The following BMP3 variants were observed in gnomAD, a reference collection of about 807,000 sequenced individuals.
BMP3 encodes bone morphogenetic protein 3 (osteogenic).
Under a neutral mutation model 38.1 loss-of-function variants are expected in BMP3, and 23 were observed. The observed-to-expected ratio is 0.60, with a 90% CI of 0.43 to 0.86. BMP3 has a LOEUF of 0.86. Among genes scored for constraint, BMP3 ranks in the 40% least tolerant of loss-of-function variants. The pLI is 0.00. For missense variants in BMP3, 628 were observed against 579.6 expected (o/e 1.08, Z -0.86); for synonymous variants, 258 against 225.7 (o/e 1.14, Z -1.28).
chr4:81,045,677 T>G, intron 1 of BMP3, 61 bp from the exon 2 acceptor site: 1 of 1,352,122 alleles, frequency 7.4e-7, no homozygotes, highest in African/African-American at 1.5e-5. Context: ...GAGTTAATTG[T>G]CATATAGTGA....
At chr4:81,048,902 T>G (rs779721484) in intron 2 of BMP3, among the ~76,000 whole-genome samples, 6 of 152,214 alleles carry the variant, frequency 3.9e-5, no homozygotes, top group Non-Finnish European at 7.3e-5. Flanking sequence ...TCCTAGGTGA[T>G]GCAGATGCTG....
In BMP3 at chr4:81,046,231, T is replaced by C. The variant is rs1337441200; in HGVS notation, c.810T>C (p.Val270=). The change falls in exon 2 of 3, where the codon GTT becomes GTC. Residue 270 remains valine, a synonymous_variant. Coordinates refer to ENST00000282701, the MANE Select transcript of BMP3 (RefSeq NM_001201.5). Reference sequence around the variant, plus strand: ...ACCGGAATTTTCCCACTGGAACTGTTCCCAAATGGGATAGCCACATCAGAG... The same window carrying C: ...ACCGGAATTTTCCCACTGGAACTGTCCCCAAATGGGATAGCCACATCAGAG... ...QGHRNFPTGT[V]PKWDSHIRAA... 6.2e-7 allele frequency: 1 copy of C among 1,613,922 alleles called. No individual in the cohort carries two copies. Among genetic ancestry groups the C allele is most frequent in the African/African-American group, 1.3e-5 (1 of 74,892 alleles).
intron 1 of BMP3, among the ~76,000 whole-genome samples, chr4:81,039,903 T>A (rs1219065582): frequency 6.6e-6 from 1 of 152,104 alleles, no homozygotes; most frequent in Non-Finnish European, 1.5e-5. Flanking sequence ...AGAGGCAGGA[T>A]CCTAGCCAAG....
chr4:81,031,362 G>A lies in BMP3; in HGVS notation c.78G>A (p.Lys26=), dbSNP rs756049698. 2.1e-5 allele frequency: 34 copies of A among 1,613,124 alleles called. No individual in the cohort carries two copies. Among genetic ancestry groups the A allele is most frequent in the Non-Finnish European group, 1.4e-5 (16 of 1,179,712 alleles). Residue 26 remains lysine (K), a synonymous_variant, in exon 1 of 3, where the codon AAG becomes AAA. Coordinates refer to ENST00000282701, the MANE Select transcript of BMP3 (RefSeq NM_001201.5). ...GCCTGGCGCAGGGAGAGAGACCGAA[G>A]CCACCTTTCCCGGAGCTCCGCAAAG... ...CVSLAQGERP[K]PPFPELRKAV...
chr4:81,043,550 G>A (rs13122304), intron 1 of BMP3, among the ~76,000 whole-genome samples: 11,620 of 148,804 alleles, frequency 0.078, 568 homozygotes, highest in South Asian at 0.23. Flanking sequence ...ATTGAGATGC[G>A]TTGGATCCTG....
At chr4:81,045,437 A>T (rs1347100254) in intron 1 of BMP3, among the ~76,000 whole-genome samples, 1 of 151,850 alleles carries the variant, frequency 6.6e-6, no homozygotes, top group Non-Finnish European at 1.5e-5. Context: ...ATGTCTTTTG[A>T]TATACAAAAG....
intron 1 of BMP3, among the ~76,000 whole-genome samples, chr4:81,034,378 A>C (rs1739864722): frequency 6.6e-6 from 1 of 152,206 alleles, no homozygotes; most frequent in African/African-American, 2.4e-5. Context: ...AGGAAGACAG[A>C]AGGATATGAA....
chr4:81,037,098 A>G (rs1272931277), intron 1 of BMP3, among the ~76,000 whole-genome samples: 6 of 152,154 alleles, frequency 3.9e-5, no homozygotes, highest in Admixed American at 2.6e-4. Context: ...ATCTCACTTT[A>G]TTACTAGCTT....
rs753137344 is a variant in BMP3, at chr4:81,045,825, G to T, written c.404G>T (p.Cys135Phe). ...ENILSATLYF[C>F]IGELGNISLS... ...ATTTTGTCTGCCACACTGTATTTCTGTATTGGAGAGCTAGGAAACATCAGC... is the reference window on the plus strand; with the variant it reads ...ATTTTGTCTGCCACACTGTATTTCTTTATTGGAGAGCTAGGAAACATCAGC... The change falls in exon 2 of 3, where the codon TGT (cysteine) becomes TTT (phenylalanine). Residue 135 changes from cysteine (C) to phenylalanine (F), a missense_variant. Transcript: ENST00000282701. 2 of 1,613,958 alleles carry T rather than the reference G, an allele frequency of 1.2e-6. No individual in the cohort carries two copies. Among genetic ancestry groups the T allele is most frequent in the South Asian group, 1.1e-5 (1 of 91,082 alleles).
At position 81,031,089 on chromosome 4, in the gene BMP3, C is replaced by T. The variant is rs1578291516; in HGVS notation, c.-196C>T. The T allele has an allele frequency of 1.7e-6, 1 of 597,278 alleles. No individual in the cohort carries two copies. The allele number at this position is 597,278 out of a possible 1,614,324, so 37.0% of individuals were successfully genotyped here. A position where few individuals can be genotyped will look rare whatever the true frequency, so the allele number is the denominator to read the frequency against. On this transcript the variant is annotated 5_prime_UTR_variant, in exon 1 of 3. Transcript: ENST00000282701. ...CGCGCAGCTGCTGGGGAAGAGCCCA[C>T]CTGTCAGGCTGCGCTGGGTCAGCGC...
In BMP3 at chr4:81,045,948, A is replaced by T. The variant is rs34847147; in HGVS notation, c.527A>T (p.Gln176Leu). 3,810 of 1,614,068 alleles carry T rather than the reference A, an allele frequency of 2.4e-3. 9 individuals are homozygous for T. The highest frequency in any genetic ancestry group is 2.7e-3 in the Non-Finnish European group (3,130 of 1,179,992). The change falls in exon 2 of 3, where the codon CAA becomes CTA. Residue 176 changes from glutamine (Q) to leucine (L), a missense_variant. By Grantham distance (113) the Gln-to-Leu change is moderately radical. Coordinates refer to ENST00000282701, the MANE Select transcript of BMP3 (RefSeq NM_001201.5). ...SAWTLKFSRN[Q>L]SQLLGHLSVD... ...TGGACCCTCAAATTCAGCAGAAACC[A>T]AAGTCAACTCCTTGGCCATCTGTCA...
At position 81,053,399 on chromosome 4, in the gene BMP3, G is replaced by T; in HGVS notation, c.1282G>T (p.Val428Phe). The T allele has an allele frequency of 6.2e-7, 1 of 1,610,648 alleles. No homozygotes were observed. The highest frequency in any genetic ancestry group is 8.5e-7 in the Non-Finnish European group (1 of 1,178,644). Residue 428 changes from valine to phenylalanine, a missense_variant, in exon 3 of 3, where the codon GTC (valine) becomes TTC (phenylalanine). Val to Phe is a conservative substitution (Grantham distance 50). Coordinates refer to ENST00000282701, the MANE Select transcript of BMP3 (RefSeq NM_001201.5). Reference protein sequence around the residue: ...TIQSIVRAVGVVPGIPEPCCV... With the variant: ...TIQSIVRAVGFVPGIPEPCCV... ...CCAGAGTATAGTGAGAGCTGTGGGG[G>T]TCGTTCCTGGGATTCCTGAGCCTTG...
chr4:81,047,631 T>C (rs1012024504), intron 2 of BMP3, among the ~76,000 whole-genome samples: 2 of 152,110 alleles, frequency 1.3e-5, no homozygotes, highest in African/African-American at 4.8e-5. Flanking sequence ...CAAGTCCATT[T>C]TTGCTATTGT....
intron 1 of BMP3, among the ~76,000 whole-genome samples, chr4:81,045,368 A>G (rs925074319): frequency 3.3e-5 from 5 of 152,110 alleles, no homozygotes; most frequent in African/African-American, 1.2e-4. Context: ...GATTTATCAA[A>G]TGTATGATTT....
At chr4:81,044,967 G>C (rs186682506) in intron 1 of BMP3, among the ~76,000 whole-genome samples, 1 of 152,140 alleles carries the variant, frequency 6.6e-6, no homozygotes, top group Non-Finnish European at 1.5e-5. Flanking sequence ...ATTCTTTGGC[G>C]TGTATACATA....
rs1740580844 is a variant in BMP3 at position 81,056,732 on chromosome 4, A to G, written c.*3196A>G. 1 of 152,758 alleles carries G rather than the reference A, an allele frequency of 6.5e-6. No homozygotes were observed. Among genetic ancestry groups the G allele is most frequent in the Admixed American group, 6.5e-5 (1 of 15,290 alleles). 9.5% of individuals were successfully genotyped at this position (152,758 alleles called of 1,614,324 possible). On this transcript the variant is annotated 3_prime_UTR_variant, in exon 3 of 3. Coordinates refer to ENST00000282701, the MANE Select transcript of BMP3 (RefSeq NM_001201.5). ...TAAATTTTTACATTCCCTTTGCTGTATATTAACTGATGATCATTTATATGT... is the reference window on the plus strand; with the variant it reads ...TAAATTTTTACATTCCCTTTGCTGTGTATTAACTGATGATCATTTATATGT...
chr4:81,042,538 G>A (rs191314806), intron 1 of BMP3, among the ~76,000 whole-genome samples: 1 of 152,332 alleles, frequency 6.6e-6, no homozygotes, highest in East Asian at 1.9e-4. Flanking sequence ...AGAGCCATTG[G>A]AAGAGGCAGT....
rs1310784540 is a variant in BMP3 at position 81,054,424 on chromosome 4, A to T, written c.*888A>T. 3 of 152,212 alleles carry T rather than the reference A, an allele frequency of 2.0e-5. No individual in the cohort carries two copies. The highest frequency in any genetic ancestry group is 4.4e-5 in the Non-Finnish European group (3 of 68,030). 9.4% of individuals were successfully genotyped at this position (152,212 alleles called of 1,614,324 possible). ...TTCACAAATGCTTTTATTTATTCTA[A>T]ATTGAATTTAAAAATCCTTCCTAAA... On this transcript the variant is annotated 3_prime_UTR_variant, in exon 3 of 3. Coordinates refer to ENST00000282701, the MANE Select transcript of BMP3 (RefSeq NM_001201.5).
chr4:81,032,194 C>CAAAAAAAAAAAAAAA lies in BMP3; in HGVS notation c.316+606_316+620dup, dbSNP rs5859748. ...ACTTTACTTGATAGTTCCTTAGTGG[C>CAAAAAAAAAAAAAAA]AAAAAAAAAAAAAAAAAAAAAAAAA... is the stretch of plus-strand genomic sequence containing the variant. On this transcript the variant is annotated intron_variant, in intron 1 of 2. Coordinates refer to ENST00000282701, the MANE Select transcript of BMP3 (RefSeq NM_001201.5). Among the ~76,000 whole-genome samples, 34 of 74,042 alleles carry CAAAAAAAAAAAAAAA rather than the reference C, an allele frequency of 4.6e-4. 5 individuals are homozygous for CAAAAAAAAAAAAAAA. The highest frequency in any genetic ancestry group is 1.6e-3 in the African/African-American group (34 of 20,700). The allele number at this position is 74,042 out of a possible 152,430, so 48.6% of individuals were successfully genotyped here.
Sources: gnomAD v4.1 joint callset for allele counts (sites outside exome capture counted in the v4.1 genomes callset) on GRCh38, gnomAD v4.1.1 for gene constraint, MANE v1.5 for transcripts, NCBI Gene and HGNC (gene_info 2026-07-23, HGNC 2026-07-21) for gene names.